The following SMAP1 variants were observed in gnomAD, a reference collection of about 807,000 sequenced individuals.
SMAP1 encodes stromal membrane-associated protein 1.
Under a neutral mutation model 58.5 loss-of-function variants are expected in SMAP1, and 24 were observed. That is an observed-to-expected ratio of 0.41 (90% CI 0.30 to 0.58). The LOEUF (loss-of-function observed/expected upper bound fraction) is 0.58. Ranked by LOEUF, SMAP1 falls within the 20% of genes least tolerant of loss-of-function variation. The pLI is 0.29. For synonymous variants in SMAP1, 216 were observed against 196.6 expected (o/e 1.10, Z -0.82); for missense variants, 563 against 566.3 (o/e 0.99, Z 0.06).
intron 6 of SMAP1, among the ~76,000 whole-genome samples, chr6:70,811,511 C>T (rs944831287): frequency 1.3e-5 from 2 of 152,028 alleles, no homozygotes; most frequent in African/African-American, 4.8e-5. Context: ...GTCAAGGCTT[C>T]CTTTGAATAT....
At chr6:70,810,507 A>G (rs571142638) in intron 6 of SMAP1, among the ~76,000 whole-genome samples, 1 of 152,322 alleles carries the variant, frequency 6.6e-6, no homozygotes, top group South Asian at 2.1e-4. Flanking sequence ...ACATGGGATC[A>G]TATTATACAT....
intron 7 of SMAP1, among the ~76,000 whole-genome samples, chr6:70,840,114 G>A (rs932095612): frequency 6.6e-6 from 1 of 152,188 alleles, no homozygotes; most frequent in African/African-American, 2.4e-5. Flanking sequence ...ATCTCCGTAT[G>A]AGTGAGACTA....
At chr6:70,785,540 T>G (rs921498051) in intron 4 of SMAP1, among the ~76,000 whole-genome samples, 4 of 151,844 alleles carry the variant, frequency 2.6e-5, no homozygotes, top group African/African-American at 9.7e-5. Flanking sequence ...ATCAACAAAA[T>G]TGATAGACCG....
chr6:70,742,263 C>T (rs908842572), intron 2 of SMAP1, among the ~76,000 whole-genome samples: 1 of 152,196 alleles, frequency 6.6e-6, no homozygotes, highest in Non-Finnish European at 1.5e-5. Flanking sequence ...TCCGTTTCCC[C>T]TTTAAAATTG....
chr6:70,859,368 A>C, intron 10 of SMAP1: 1 of 1,549,564 alleles, frequency 6.5e-7, no homozygotes, highest in Non-Finnish European at 8.7e-7. Flanking sequence ...GCACTCCATC[A>C]GTGCAATCTA....
At position 70,769,144 on chromosome 6, in the gene SMAP1, A is replaced by G. The variant is rs542152508; in HGVS notation, c.339-4206A>G. On this transcript the variant is annotated intron_variant, in intron 3 of 10. Coordinates refer to ENST00000370455, the MANE Select transcript of SMAP1 (RefSeq NM_001044305.3). ...TTCGTTATAATTTCTGATCTTTTAC[A>G]TTTGCTGAGGAGAGCTTTACTTCCA... Among the ~76,000 whole-genome samples the G allele has an allele frequency of 3.6e-3, 555 of 152,182 alleles. 5 individuals carry two copies. The highest frequency in any genetic ancestry group is 0.013 in the African/African-American group (526 of 41,504).
At chr6:70,753,720 A>G (rs1430954645) in intron 2 of SMAP1, among the ~76,000 whole-genome samples, 1 of 151,986 alleles carries the variant, frequency 6.6e-6, no homozygotes, top group Non-Finnish European at 1.5e-5. Flanking sequence ...CACAATTTTG[A>G]AGCTCAGATT....
intron 1 of SMAP1, among the ~76,000 whole-genome samples, chr6:70,670,954 G>A (rs1285475871): frequency 6.6e-6 from 1 of 152,182 alleles, no homozygotes; most frequent in Non-Finnish European, 1.5e-5. Flanking sequence ...TCTTGATCCT[G>A]CTCTTACCAA....
intron 6 of SMAP1, among the ~76,000 whole-genome samples, chr6:70,800,670 C>T (rs544106508): frequency 6.6e-6 from 1 of 151,700 alleles, no homozygotes; most frequent in East Asian, 1.9e-4. Flanking sequence ...TCCCCCAGCC[C>T]CCCACCCCCT....
At chr6:70,691,879 G>T (rs948822145) in intron 1 of SMAP1, among the ~76,000 whole-genome samples, 1 of 152,204 alleles carries the variant, frequency 6.6e-6, no homozygotes, top group South Asian at 2.1e-4. Flanking sequence ...CACTTAGGTA[G>T]CTTCCAAATG....
chr6:70,695,047 A>G (rs1484837300), intron 1 of SMAP1, among the ~76,000 whole-genome samples: 1 of 152,052 alleles, frequency 6.6e-6, no homozygotes, highest in Non-Finnish European at 1.5e-5. Flanking sequence ...TTGTATTTGT[A>G]GCTGTCGTAA....
chr6:70,702,968 A>G (rs1767695583), intron 1 of SMAP1, among the ~76,000 whole-genome samples: 1 of 152,162 alleles, frequency 6.6e-6, no homozygotes, highest in Non-Finnish European at 1.5e-5. Flanking sequence ...TTGAACATAT[A>G]GAAGTCAATG....
chr6:70,843,747 C>T (rs1408215161), intron 7 of SMAP1, among the ~76,000 whole-genome samples: 3 of 152,172 alleles, frequency 2.0e-5, no homozygotes, highest in African/African-American at 4.8e-5. Flanking sequence ...TTTGTCTGCC[C>T]TCTAGCAGCT....
At chr6:70,775,730 A>G (rs6942238) in intron 4 of SMAP1, among the ~76,000 whole-genome samples, 298 of 152,334 alleles carry the variant, frequency 2.0e-3, no homozygotes, top group African/African-American at 6.8e-3. Context: ...ACTTCAGTAT[A>G]TACTCCTGAG....
chr6:70,743,826 C>T (rs973768271), intron 2 of SMAP1, among the ~76,000 whole-genome samples: 4 of 152,090 alleles, frequency 2.6e-5, no homozygotes, highest in Non-Finnish European at 5.9e-5. Context: ...TATTGTATTG[C>T]CTGCATGTGA....
intron 1 of SMAP1, among the ~76,000 whole-genome samples, chr6:70,671,862 T>G (rs1285959301): frequency 6.6e-6 from 1 of 152,256 alleles, no homozygotes; most frequent in Non-Finnish European, 1.5e-5. Flanking sequence ...TTTATCCGTC[T>G]ATTGATGAAC....
At chr6:70,815,148 T>C (rs1317103233) in intron 6 of SMAP1, among the ~76,000 whole-genome samples, 1 of 152,200 alleles carries the variant, frequency 6.6e-6, no homozygotes, top group African/African-American at 2.4e-5. Context: ...TAAATAAATA[T>C]GTTCCTTTTT....
At chr6:70,766,651 T>C (rs948683336) in intron 3 of SMAP1, among the ~76,000 whole-genome samples, 6 of 152,208 alleles carry the variant, frequency 3.9e-5, no homozygotes, top group East Asian at 1.9e-4. Context: ...TATTAGCCCT[T>C]TGTCAGATGA....
rs77136676 is a variant in SMAP1 at position 70,732,318 on chromosome 6, G to A, written c.119-60G>A. ...AAACCGAGAATGCTTCTAATATGCT[G>A]TTATGTTTATTTTTGTTTTTAACAT... On this transcript the variant is annotated intron_variant, in intron 1 of 10. Transcript: ENST00000370455. The A allele has an allele frequency of 1.1e-3, 1,648 of 1,539,394 alleles. 35 individuals carry two copies. In the East Asian group the frequency reaches 0.036, roughly 33 times the overall value.
Sources: gnomAD v4.1 joint callset for allele counts (sites outside exome capture counted in the v4.1 genomes callset) on GRCh38, gnomAD v4.1.1 for gene constraint, MANE v1.5 for transcripts, NCBI Gene and HGNC (gene_info 2026-07-23, HGNC 2026-07-21) for gene names.